Variants in SOX5 observed in about 807,000 individuals in gnomAD.
SOX5 encodes transcription factor SOX-5.
SOX5 carries 9 observed loss-of-function variants against 92.0 expected under a neutral mutation model. The ratio of observed to expected loss-of-function variants is 0.10; its 90% CI spans 0.06 to 0.17. The LOEUF (loss-of-function observed/expected upper bound fraction) is 0.17, where lower values mean the gene tolerates loss of function less well. SOX5 is among the 10% of genes least tolerant of loss of function. SOX5 has a pLI of 1.00. For missense variants in SOX5, 642 were observed against 944.5 expected (o/e 0.68, Z 4.20); for synonymous variants, 344 against 336.3 (o/e 1.02, Z -0.25).
intron 3 of SOX5, among the ~76,000 whole-genome samples, chr12:23,772,156 C>A (rs2094954546): frequency 1.3e-5 from 2 of 152,124 alleles, no homozygotes; most frequent in African/African-American, 4.8e-5. Context: ...GAATGAACAC[C>A]TTCCAATTCA....
chr12:24,494,155 T>C (rs1439016803), intron 1 of SOX5, among the ~76,000 whole-genome samples: 1 of 152,232 alleles, frequency 6.6e-6, no homozygotes. Context: ...GTAGAACATA[T>C]ACATAGGGTG....
At chr12:23,988,611 A>T (rs1281989839) in intron 4 of SOX5, among the ~76,000 whole-genome samples, 3 of 152,214 alleles carry the variant, frequency 2.0e-5, no homozygotes, top group African/African-American at 7.2e-5. Flanking sequence ...ATATGATTGT[A>T]TTATTTCCAT....
At chr12:24,003,578 A>T (rs2136404091) in intron 4 of SOX5, among the ~76,000 whole-genome samples, 1 of 152,218 alleles carries the variant, frequency 6.6e-6, no homozygotes, top group African/African-American at 2.4e-5. Flanking sequence ...AGAATAAAAC[A>T]TTAAGAACTT....
chr12:24,367,765 T>C (rs1478011481), intron 2 of SOX5, among the ~76,000 whole-genome samples: 1 of 152,194 alleles, frequency 6.6e-6, no homozygotes, highest in Non-Finnish European at 1.5e-5. Context: ...TAACACTTAT[T>C]AAATACATCC....
At chr12:24,032,678 T>C (rs1955629067) in intron 4 of SOX5, among the ~76,000 whole-genome samples, 1 of 151,852 alleles carries the variant, frequency 6.6e-6, no homozygotes, top group African/African-American at 2.4e-5. Context: ...AAGTACCAGG[T>C]AGGTAAAACT....
chr12:23,735,030 C>A lies in SOX5; in HGVS notation c.742-278G>T, dbSNP rs575602672. Among the ~76,000 whole-genome samples the A allele has an allele frequency of 3.3e-5, 5 of 152,230 alleles. No individual in the cohort carries two copies. The East Asian group carries it at 9.7e-4, about 29-fold the overall frequency. ...AAGAAATGTCTGTTTTTCGAACATC[C>A]CTCTTCCTAGTGATATATTAAGAAG... On this transcript the variant is annotated intron_variant, in intron 5 of 14. Transcript: ENST00000451604.
chr12:23,540,913 T>C (rs1458951144), intron 13 of SOX5, among the ~76,000 whole-genome samples: 6 of 152,236 alleles, frequency 3.9e-5, no homozygotes, highest in African/African-American at 1.2e-4. Context: ...GCTTTCTTTG[T>C]ACTTTTGTAT....
intron 2 of SOX5, among the ~76,000 whole-genome samples, chr12:23,871,466 A>G (rs575951220): frequency 6.6e-6 from 1 of 152,256 alleles, no homozygotes; most frequent in South Asian, 2.1e-4. Flanking sequence ...TTAAACATGA[A>G]GTGTAAAATA....
At chr12:23,626,285 A>G (rs2077776592) in intron 8 of SOX5, among the ~76,000 whole-genome samples, 1 of 152,062 alleles carries the variant, frequency 6.6e-6, no homozygotes, top group South Asian at 2.1e-4. Context: ...CTATGAAACT[A>G]CTTTATGTCC....
intron 4 of SOX5, among the ~76,000 whole-genome samples, chr12:24,055,473 G>A (rs935653103): frequency 3.9e-5 from 6 of 152,152 alleles, no homozygotes; most frequent in South Asian, 2.1e-4. Context: ...TTGTCACAAC[G>A]AAGTTTCAAA....
intron 2 of SOX5, among the ~76,000 whole-genome samples, chr12:24,305,755 G>A (rs562519986): frequency 1.0e-3 from 153 of 152,132 alleles, no homozygotes; most frequent in African/African-American, 3.3e-3. Flanking sequence ...CCGCCGCCAC[G>A]CCTGGCTAAT....
chr12:23,709,892 T>G (rs183581457), intron 6 of SOX5, among the ~76,000 whole-genome samples: 1 of 152,292 alleles, frequency 6.6e-6, no homozygotes, highest in African/African-American at 2.4e-5. Context: ...GCATATTAAT[T>G]CTAGTGTTAT....
intron 6 of SOX5, among the ~76,000 whole-genome samples, chr12:23,701,191 G>A (rs1480084844): frequency 2.6e-5 from 4 of 151,558 alleles, no homozygotes; most frequent in Admixed American, 6.6e-5. Context: ...TTTTATTTTG[G>A]TTTAACTTTC....
At chr12:23,641,023 C>G (rs2138729447) in intron 7 of SOX5, 126 bp from the exon 8 acceptor site, 1 of 614,702 alleles carries the variant, frequency 1.6e-6, no homozygotes, top group East Asian at 2.9e-5. Flanking sequence ...ATGAAAAGCT[C>G]TATTGTGCAG....
At chr12:23,852,304 G>C (rs1316406539) in intron 2 of SOX5, among the ~76,000 whole-genome samples, 1 of 152,044 alleles carries the variant, frequency 6.6e-6, no homozygotes, top group Non-Finnish European at 1.5e-5. Flanking sequence ...GGCAGACATA[G>C]CACACTCTCG....
At chr12:23,745,506 G>A (rs904577936) in intron 4 of SOX5, among the ~76,000 whole-genome samples, 1 of 151,986 alleles carries the variant, frequency 6.6e-6, no homozygotes, top group Admixed American at 6.6e-5. Context: ...GCGAATTAAC[G>A]AGGTCCTTCA....
At chr12:23,673,704 G>A (rs375366126) in intron 6 of SOX5, among the ~76,000 whole-genome samples, 1 of 151,190 alleles carries the variant, frequency 6.6e-6, no homozygotes, top group African/African-American at 2.4e-5. Context: ...GTATTCTTAT[G>A]TTGAATTTCA....
intron 1 of SOX5, among the ~76,000 whole-genome samples, chr12:24,474,103 CT>C (rs1945096590): frequency 1.3e-5 from 2 of 151,964 alleles, no homozygotes; most frequent in Non-Finnish European, 1.5e-5. Flanking sequence ...ATCTTAAGGA[CT>C]AAATACCTGG....
chr12:24,181,168 G>A (rs149874027), intron 4 of SOX5, among the ~76,000 whole-genome samples: 1 of 152,134 alleles, frequency 6.6e-6, no homozygotes, highest in African/African-American at 2.4e-5. Context: ...AGGCTTACTG[G>A]GGATTTTCAG....
Sources: allele counts gnomAD v4.1 joint callset (sites outside exome capture counted in the v4.1 genomes callset), GRCh38; gene constraint gnomAD v4.1.1; transcripts MANE v1.5; gene names NCBI Gene and HGNC (gene_info 2026-07-23, HGNC 2026-07-21).